The following DCHS2 variants were observed in gnomAD, a reference collection of about 807,000 sequenced individuals.
The protein encoded by DCHS2 is dachsous cadherin-related 2.
In DCHS2, 142 loss-of-function variants were observed where a neutral mutation model predicts 182.4. The ratio of observed to expected loss-of-function variants is 0.78; its 90% CI spans 0.68 to 0.89. DCHS2 has a LOEUF of 0.89. Ranked by LOEUF, DCHS2 falls within the 40% of genes least tolerant of loss-of-function variation. The probability of loss-of-function intolerance (pLI) is 0.00; values close to 1 mark genes in which losing one functional copy is unlikely to be tolerated. For synonymous variants in DCHS2, 1,740 were observed against 1,663.3 expected (o/e 1.05, Z -1.12); for missense variants, 4,319 against 4,198.6 (o/e 1.03, Z -0.79).
In DCHS2 at chr4:154,490,427, T is replaced by C. The variant is rs987681486; in HGVS notation, c.929A>G (p.Gln310Arg). Residue 310 changes from glutamine (Q) to arginine (R), a missense_variant, in exon 1 of 20, where the codon CAG becomes CGG. Gln to Arg is a conservative substitution (Grantham distance 43). Transcript: ENST00000357232. ...CACGCGACAGACCTCGGCGCCCGGC[T>C]GGGCGTCCTCGCGCACCGCGGCGCG... The part of the protein sequence containing the change: ...EYRAAVREDA[Q>R]PGAEVCRVRA... 2 of 1,533,874 alleles carry C rather than the reference T, an allele frequency of 1.3e-6. No homozygotes were observed. The highest frequency in any genetic ancestry group is 3.9e-5 in the Admixed American group (2 of 50,800).
At chr4:154,270,141 T>C in intron 13 of DCHS2, 128 bp from the exon 14 acceptor site, 1 of 1,204,336 alleles carries the variant, frequency 8.3e-7, no homozygotes, top group Admixed American at 3.0e-5. Flanking sequence ...AACAATAACT[T>C]ATTGTCTTCA....
intron 13 of DCHS2, among the ~76,000 whole-genome samples, chr4:154,281,029 G>A (rs920004121): frequency 4.6e-5 from 7 of 151,996 alleles, no homozygotes; most frequent in African/African-American, 1.2e-4. Flanking sequence ...GTTTCACCAT[G>A]TTGGCCAGGC....
At chr4:154,376,121 AG>A (rs1730880627) in intron 2 of DCHS2, among the ~76,000 whole-genome samples, 1 of 152,046 alleles carries the variant, frequency 6.6e-6, no homozygotes, top group African/African-American at 2.4e-5. Context: ...AGATGCAAAG[AG>A]GGGGCTTCTG....
chr4:154,321,586 T>C (rs1457825146), intron 8 of DCHS2, among the ~76,000 whole-genome samples: 1 of 152,210 alleles, frequency 6.6e-6, no homozygotes, highest in Non-Finnish European at 1.5e-5. Flanking sequence ...GATCTATCCA[T>C]AATGACAACA....
intron 1 of DCHS2, among the ~76,000 whole-genome samples, chr4:154,410,161 A>C (rs1732565758): frequency 6.6e-6 from 1 of 152,106 alleles, no homozygotes; most frequent in Admixed American, 6.6e-5. Context: ...CTAGTAACTG[A>C]CCCCAAAGAA....
At chr4:154,275,738 CTGACGGCCTTT>C (rs1733825914) in intron 13 of DCHS2, among the ~76,000 whole-genome samples, 1 of 152,100 alleles carries the variant, frequency 6.6e-6, no homozygotes, top group Non-Finnish European at 1.5e-5. Flanking sequence ...AACAATCTTG[CTGACGGCCTTT>C]TTTTCATGGG....
chr4:154,293,343 G>A (rs937006164), intron 13 of DCHS2, among the ~76,000 whole-genome samples: 6 of 152,040 alleles, frequency 3.9e-5, no homozygotes, highest in Admixed American at 6.6e-5. Flanking sequence ...AGCATGCCCG[G>A]CTAATTATTT....
intron 16 of DCHS2, among the ~76,000 whole-genome samples, chr4:154,244,274 C>T (rs1731972896): frequency 1.3e-5 from 2 of 152,174 alleles, no homozygotes; most frequent in African/African-American, 2.4e-5. Context: ...GTTATACATA[C>T]ATTATATGAC....
intron 1 of DCHS2, among the ~76,000 whole-genome samples, chr4:154,406,333 T>C (rs951408462): frequency 1.3e-5 from 2 of 152,232 alleles, no homozygotes; most frequent in South Asian, 4.1e-4. Context: ...CCTCAAACTA[T>C]GCCTCATTTT....
intron 12 of DCHS2, among the ~76,000 whole-genome samples, chr4:154,302,829 T>TATATATATTTC (rs1735258461): frequency 6.8e-6 from 1 of 147,014 alleles, no homozygotes; most frequent in African/African-American, 2.5e-5. Context: ...TATATATACT[T>TATATATATTTC]ATATATATAC....
chr4:154,365,952 C>T (rs1025591245), intron 3 of DCHS2, among the ~76,000 whole-genome samples: 1 of 151,712 alleles, frequency 6.6e-6, no homozygotes, highest in South Asian at 2.1e-4. Flanking sequence ...CCAGTCAACA[C>T]CAATTTTAAG....
chr4:154,248,543 TA>T (rs1465613911), intron 16 of DCHS2, among the ~76,000 whole-genome samples: 1 of 152,134 alleles, frequency 6.6e-6, no homozygotes, highest in Non-Finnish European at 1.5e-5. Context: ...TTGATAATAA[TA>T]AAAAATCAAA....
At chr4:154,409,917 G>A (rs1189364406) in intron 1 of DCHS2, among the ~76,000 whole-genome samples, 1 of 152,180 alleles carries the variant, frequency 6.6e-6, no homozygotes, top group Non-Finnish European at 1.5e-5. Flanking sequence ...GACATTGATT[G>A]CAGCTGAAGA....
intron 13 of DCHS2, among the ~76,000 whole-genome samples, chr4:154,275,519 G>T (rs1291030968): frequency 1.3e-5 from 2 of 152,020 alleles, no homozygotes; most frequent in Non-Finnish European, 2.9e-5. Flanking sequence ...ATTGCATTTT[G>T]AGAGACATAT....
intron 10 of DCHS2, among the ~76,000 whole-genome samples, chr4:154,307,214 A>G (rs1328336008): frequency 3.9e-5 from 6 of 152,204 alleles, no homozygotes; most frequent in African/African-American, 1.2e-4. Context: ...CAAACATAGC[A>G]TCATCAAACT....
chr4:154,318,922 G>A (rs532383810), intron 9 of DCHS2, among the ~76,000 whole-genome samples: 1 of 152,142 alleles, frequency 6.6e-6, no homozygotes, highest in East Asian at 1.9e-4. Flanking sequence ...AAAGCTGGAG[G>A]CATCACACTT....
intron 1 of DCHS2, among the ~76,000 whole-genome samples, chr4:154,383,825 GA>G (rs912976851): frequency 1.9e-4 from 28 of 148,322 alleles, no homozygotes; most frequent in Admixed American, 2.0e-4. Context: ...CAAAATTTGT[GA>G]AAAAAAATAA....
intron 1 of DCHS2, among the ~76,000 whole-genome samples, chr4:154,384,106 C>A (rs1731292650): frequency 6.6e-6 from 1 of 152,160 alleles, no homozygotes; most frequent in Non-Finnish European, 1.5e-5. Flanking sequence ...AACCACTGAT[C>A]CTGCAGCTGA....
chr4:154,421,672 G>A (rs1012236320), intron 1 of DCHS2, among the ~76,000 whole-genome samples: 1 of 152,172 alleles, frequency 6.6e-6, no homozygotes, highest in Non-Finnish European at 1.5e-5. Context: ...GGGATTACAG[G>A]CGTAAGCCAC....
Sources: gnomAD v4.1 joint callset for allele counts (sites outside exome capture counted in the v4.1 genomes callset) on GRCh38, gnomAD v4.1.1 for gene constraint, MANE v1.5 for transcripts, NCBI Gene and HGNC (gene_info 2026-07-23, HGNC 2026-07-21) for gene names.